Variants in ATOSA observed in about 807,000 individuals in gnomAD.
The protein encoded by ATOSA is atos homolog A.
the ATOSA span, among the ~76,000 whole-genome samples, chr15:52,628,139 T>C: frequency 2.6e-5 from 4 of 152,186 alleles, no homozygotes; most frequent in African/African-American, 9.6e-5. Context: ...CTCTTAGATA[T>C]ATCTAATGCT....
chr15:52,608,642 G>C, the ATOSA span: 1 of 1,610,288 alleles, frequency 6.2e-7, no homozygotes, highest in African/African-American at 1.3e-5. Flanking sequence ...GAATAGTTTT[G>C]GGATTTTTCA....
chr15:52,610,060 C>T, the ATOSA span: 1 of 1,613,976 alleles, frequency 6.2e-7, no homozygotes, highest in East Asian at 2.2e-5. Flanking sequence ...ACTTGGGCCA[C>T]TTTTTGCATG....
the ATOSA span, among the ~76,000 whole-genome samples, chr15:52,664,091 C>T: frequency 7.7e-4 from 117 of 152,228 alleles, no homozygotes; most frequent in African/African-American, 2.7e-3. Flanking sequence ...GAAATCGATG[C>T]CAGAGTTTAA....
chr15:52,659,909 T>A, the ATOSA span, among the ~76,000 whole-genome samples: 1 of 151,886 alleles, frequency 6.6e-6, no homozygotes, highest in East Asian at 1.9e-4. Flanking sequence ...GGTAACACAC[T>A]TAGAGTGAAA....
At chr15:52,585,666 C>G in the ATOSA span, among the ~76,000 whole-genome samples, 1 of 152,110 alleles carries the variant, frequency 6.6e-6, no homozygotes, top group South Asian at 2.1e-4. Flanking sequence ...AAATATGTAT[C>G]CTGGTAAAGA....
the ATOSA span, among the ~76,000 whole-genome samples, chr15:52,618,195 C>A: frequency 2.6e-5 from 4 of 152,048 alleles, no homozygotes; most frequent in Non-Finnish European, 5.9e-5. Context: ...CCTACCACCA[C>A]GTCTGGCTAA....
the ATOSA span, among the ~76,000 whole-genome samples, chr15:52,696,089 C>T: frequency 1.6e-4 from 24 of 152,114 alleles, no homozygotes; most frequent in Admixed American, 2.6e-4. Context: ...ATGTTTAAAA[C>T]GTTCACTCTG....
the ATOSA span, among the ~76,000 whole-genome samples, chr15:52,584,416 G>C: frequency 3.9e-5 from 6 of 152,084 alleles, no homozygotes; most frequent in Admixed American, 3.9e-4. Flanking sequence ...GGAATTACAA[G>C]GTGTGAGCCA....
chr15:52,688,126 TGC>T, the ATOSA span, among the ~76,000 whole-genome samples: 1 of 152,348 alleles, frequency 6.6e-6, no homozygotes, highest in East Asian at 1.9e-4. Flanking sequence ...TGTTTAAAGC[TGC>T]TAATTTCTGG....
At chr15:52,679,259 C>A in the ATOSA span, 1 of 154,244 alleles carries the variant, frequency 6.5e-6, no homozygotes, top group Non-Finnish European at 1.4e-5. Flanking sequence ...GCCCGTAGCC[C>A]CGGCCGGCCC....
the ATOSA span, chr15:52,658,250 T>C: frequency 6.6e-6 from 1 of 152,208 alleles, no homozygotes; most frequent in African/African-American, 2.4e-5. Context: ...TTACTAGAGG[T>C]GACACTACTT....
the ATOSA span, among the ~76,000 whole-genome samples, chr15:52,643,869 C>T: frequency 6.6e-6 from 1 of 151,684 alleles, no homozygotes; most frequent in Non-Finnish European, 1.5e-5. Flanking sequence ...GCCGAGATCA[C>T]GCCACTGCAC....
chr15:52,591,070 T>C, the ATOSA span, among the ~76,000 whole-genome samples: 1 of 152,218 alleles, frequency 6.6e-6, no homozygotes, highest in Non-Finnish European at 1.5e-5. Flanking sequence ...ATTAATGCTG[T>C]CTTGCTTTTT....
the ATOSA span, among the ~76,000 whole-genome samples, chr15:52,674,480 C>G: frequency 0.071 from 10,876 of 152,204 alleles, 633 homozygotes; most frequent in East Asian, 0.24. Flanking sequence ...CTGCCCAGCT[C>G]TAGTCAGCTG....
chr15:52,667,718 G>A, the ATOSA span, among the ~76,000 whole-genome samples: 1 of 152,184 alleles, frequency 6.6e-6, no homozygotes, highest in South Asian at 2.1e-4. Context: ...CCTGCCAGCT[G>A]TAGCATACTG....
At chr15:52,709,803 C>G in the ATOSA span, 1 of 152,344 alleles carries the variant, frequency 6.6e-6, no homozygotes, top group East Asian at 1.9e-4. Flanking sequence ...CTACAGGCAG[C>G]GGCAGCAGCA....
the ATOSA span, among the ~76,000 whole-genome samples, chr15:52,706,764 G>A: frequency 6.6e-6 from 1 of 152,150 alleles, no homozygotes; most frequent in Admixed American, 6.6e-5. Flanking sequence ...CCACAAAATG[G>A]ATGAAATCGA....
the ATOSA span, among the ~76,000 whole-genome samples, chr15:52,673,894 A>G: frequency 6.6e-6 from 1 of 152,202 alleles, no homozygotes; most frequent in African/African-American, 2.4e-5. Context: ...GCTAATGTCT[A>G]AATTTGTAAT....
chr15:52,588,144 G>C, the ATOSA span, among the ~76,000 whole-genome samples: 21 of 152,238 alleles, frequency 1.4e-4, no homozygotes, highest in African/African-American at 5.1e-4. Flanking sequence ...TTGTGAACTC[G>C]TTAGGAATGT....
Sources: gnomAD v4.1 joint callset for allele counts (sites outside exome capture counted in the v4.1 genomes callset) on GRCh38, gnomAD v4.1.1 for gene constraint, MANE v1.5 for transcripts, NCBI Gene and HGNC (gene_info 2026-07-23, HGNC 2026-07-21) for gene names.